FBXO27: variants seen among roughly 807,000 people sequenced by gnomAD.
The protein encoded by FBXO27 is F-box only protein 27.
A neutral mutation model predicts 28.3 loss-of-function variants in FBXO27; 28 were observed. That is an observed-to-expected ratio of 0.99 (90% CI 0.73 to 1.36). FBXO27 has a LOEUF of 1.36. Among genes scored for constraint, FBXO27 ranks in the 40% most tolerant of loss-of-function variants. The probability of loss-of-function intolerance (pLI) is 0.00; values close to 1 mark genes in which losing one functional copy is unlikely to be tolerated. For missense variants in FBXO27, 388 were observed against 394.1 expected (o/e 0.98, Z 0.13); for synonymous variants, 175 against 167.3 (o/e 1.05, Z -0.36).
At chr19:39,018,082 G>A (rs1245379916) in intron 1 of FBXO27, among the ~76,000 whole-genome samples, 1 of 152,162 alleles carries the variant, frequency 6.6e-6, no homozygotes, top group African/African-American at 2.4e-5. Flanking sequence ...CCGGGTTCAA[G>A]CAATCCTCCT....
At position 39,031,641 on chromosome 19, in the gene FBXO27, C is replaced by A. The variant is rs144915584; in HGVS notation, c.364+223G>T. 3.9e-3 allele frequency among the ~76,000 whole-genome samples: 597 copies of A among 152,074 alleles called. 6 individuals are homozygous for A. The highest frequency in any genetic ancestry group is 0.013 in the African/African-American group (555 of 41,488). The stretch of plus-strand genomic sequence containing the variant: ...TGCACCCTGCGTGCCAATGCTGCCT[C>A]GTCCCTCCGACACCTCCCACCGGCT... On this transcript the variant is annotated intron_variant, in intron 2 of 5. Transcript: ENST00000292853.
At chr19:39,018,567 T>C (rs893503239) in intron 1 of FBXO27, among the ~76,000 whole-genome samples, 2 of 152,052 alleles carry the variant, frequency 1.3e-5, no homozygotes, top group Admixed American at 6.6e-5. Context: ...TCCCAAGAAG[T>C]AGACAAGTCA....
chr19:39,019,800 G>A (rs1202096429), downstream of FBXO27, among the ~76,000 whole-genome samples: 2 of 152,094 alleles, frequency 1.3e-5, no homozygotes, highest in African/African-American at 4.8e-5. Context: ...TGCCCAGGCT[G>A]GAGTGCAGTG....
chr19:39,007,079 T>C (rs666626), intron 2 of FBXO27, among the ~76,000 whole-genome samples: 5 of 127,432 alleles, frequency 3.9e-5, no homozygotes, highest in South Asian at 4.8e-4. Flanking sequence ...AAAAAAAAAA[T>C]ACAGAAAAGT....
In FBXO27 at chr19:39,031,141, CA is replaced by C; in HGVS notation, c.477-18del. 6.2e-7 allele frequency: 1 copy of C among 1,613,620 alleles called. No homozygotes were observed. The highest frequency in any genetic ancestry group is 8.5e-7 in the Non-Finnish European group (1 of 1,179,572). ...CAACACCAGCTGGGAATGCAGGAGA[CA>C]GGGTAATGAGAACAGGCAGGCCTTT... On this transcript the variant is annotated intron_variant, in intron 3 of 5. Transcript: ENST00000292853.
intron 1 of FBXO27, among the ~76,000 whole-genome samples, chr19:39,016,421 T>C (rs1335445129): frequency 6.6e-6 from 1 of 151,778 alleles, no homozygotes; most frequent in Non-Finnish European, 1.5e-5. Flanking sequence ...CTCTGTACTT[T>C]CTGCTCAATT....
Position 39,032,149 on chromosome 19 carries a change from T to C in FBXO27, c.79A>G (p.Ser27Gly), listed in dbSNP as rs759836493. 2.6e-6 allele frequency: 4 copies of C among 1,542,082 alleles called. No homozygotes were observed. Among genetic ancestry groups the C allele is most frequent in the Non-Finnish European group, 3.5e-6 (4 of 1,150,186 alleles). ...AGAAGCAGCTCTGGGGGTAGTTGGC[T>C]CAGGTCCAGCGCCTCTTCGGGTTCC... ...EPEPEEALDLSQLPPELLLVV... is the reference protein window; with the variant it reads ...EPEPEEALDLGQLPPELLLVV... The change falls in exon 2 of 6, where the codon AGC becomes GGC. Residue 27 changes from serine to glycine, a missense_variant. Transcript: ENST00000292853. This position sits in a 1 kb window ranked among gnomAD's most constrained non-coding sequence, Gnocchi z 4.7.
chr19:39,023,612 C>CT (rs10711556), downstream of FBXO27, among the ~76,000 whole-genome samples: 124 of 146,698 alleles, frequency 8.5e-4, no homozygotes, highest in Admixed American at 4.7e-3. Context: ...GACCTATTGT[C>CT]TTTTTTTTTT....
chr19:39,014,704 T>C (rs183768087), intron 1 of FBXO27, among the ~76,000 whole-genome samples: 151 of 150,924 alleles, frequency 1.0e-3, no homozygotes, highest in African/African-American at 3.5e-3. Flanking sequence ...CCAGCTTGGG[T>C]AACAGAGTAA....
At chr19:39,028,672 G>C (rs2072886083) in intron 4 of FBXO27, among the ~76,000 whole-genome samples, 1 of 152,090 alleles carries the variant, frequency 6.6e-6, no homozygotes, top group Admixed American at 6.6e-5. Context: ...AGGCCAGCCT[G>C]GCCAACGTGG....
In FBXO27 at chr19:39,025,345, C is replaced by T; in HGVS notation, c.*66G>A. 6.4e-7 allele frequency: 1 copy of T among 1,552,752 alleles called. No homozygotes were observed. Among genetic ancestry groups the T allele is most frequent in the Non-Finnish European group, 8.7e-7 (1 of 1,145,246 alleles). On this transcript the variant is annotated 3_prime_UTR_variant, in exon 6 of 6. Coordinates refer to ENST00000292853, the MANE Select transcript of FBXO27 (RefSeq NM_178820.5). ...AGTGCTTGGTTGGTTAATGAGGGGT[C>T]CCAGCCAATGGTCCCAGGCCCTGGA... is the stretch of plus-strand genomic sequence containing the variant.
chr19:39,007,247 G>A (rs946973570), intron 2 of FBXO27, among the ~76,000 whole-genome samples: 3 of 152,096 alleles, frequency 2.0e-5, no homozygotes, highest in Admixed American at 2.0e-4. Flanking sequence ...CAGTCCAAAC[G>A]GATCTGCTCA....
chr19:39,031,366 G>C (rs140992409), intron 2 of FBXO27, 46 bp from the exon 3 acceptor site: 92 of 1,591,182 alleles, frequency 5.8e-5, no homozygotes, highest in Non-Finnish European at 7.6e-5. Context: ...TCGCCCGCCT[G>C]TTGGTTCCTA....
In FBXO27 at chr19:39,031,319, T is replaced by G; in HGVS notation, c.366A>C (p.Glu122Asp). 6.2e-7 allele frequency: 1 copy of G among 1,613,766 alleles called. No individual in the cohort carries two copies. Among genetic ancestry groups the G allele is most frequent in the Non-Finnish European group, 8.5e-7 (1 of 1,179,816 alleles). The change falls in exon 3 of 6, where the codon GAA becomes GAC. Residue 122 changes from glutamate to aspartate, a missense_variant and splice_region_variant. Transcript: ENST00000292853. ...GTTGCACCATCCACTTTCGGAGGCC[T>G]TCTGTGAAATAAAAAAGGCTTGTGC... ...RNLIRNPCGQ[E>D]GLRKWMVQHG...
At chr19:39,011,496 C>A (rs1278760929) in intron 2 of FBXO27, among the ~76,000 whole-genome samples, 1 of 152,106 alleles carries the variant, frequency 6.6e-6, no homozygotes, top group African/African-American at 2.4e-5. Flanking sequence ...GGAGTATTGT[C>A]ATCTTAAAAA....
intron 2 of FBXO27, among the ~76,000 whole-genome samples, chr19:39,009,343 G>A (rs1210713588): frequency 5.3e-5 from 8 of 152,300 alleles, no homozygotes; most frequent in East Asian, 1.9e-4. Context: ...AGAATTCTAC[G>A]TTTAGCTTTT....
chr19:39,025,599 C>T (rs745629223), intron 5 of FBXO27, 45 bp from the exon 6 acceptor site: 1 of 1,581,884 alleles, frequency 6.3e-7, no homozygotes, highest in Non-Finnish European at 8.6e-7. Flanking sequence ...CACAGCCTCC[C>T]CTCCAAAGCT....
Position 39,026,919 on chromosome 19 carries a change from G to A in FBXO27, c.659C>T (p.Ser220Phe), listed in dbSNP as rs2072875819. 6.2e-7 allele frequency: 1 copy of A among 1,614,118 alleles called. No homozygotes were observed. The highest frequency in any genetic ancestry group is 8.5e-7 in the Non-Finnish European group (1 of 1,180,048). Residue 220 changes from serine to phenylalanine, a missense_variant, in exon 5 of 6, where the codon TCT becomes TTT. Coordinates refer to ENST00000292853, the MANE Select transcript of FBXO27 (RefSeq NM_178820.5). Reference protein sequence around the residue: ...DANQTVLDKFSAVPDPIPQWN... With the variant: ...DANQTVLDKFFAVPDPIPQWN... ...CTGCGGGATGGGATCAGGCACAGCAGAGAATTTATCTAGAACAGTCTGGTT... is the reference window on the plus strand; with the variant it reads ...CTGCGGGATGGGATCAGGCACAGCAAAGAATTTATCTAGAACAGTCTGGTT...
chr19:39,025,201 A>C lies in FBXO27; in HGVS notation c.*210T>G. 1.1e-5 allele frequency: 6 copies of C among 558,522 alleles called. No homozygotes were observed. Among genetic ancestry groups the C allele is most frequent in the African/African-American group, 1.9e-5 (1 of 53,272 alleles). 34.6% of individuals were successfully genotyped at this position (558,522 alleles called of 1,614,324 possible). A position where few individuals can be genotyped will look rare whatever the true frequency, so the allele number is the denominator to read the frequency against. On this transcript the variant is annotated 3_prime_UTR_variant, in exon 6 of 6. Coordinates refer to ENST00000292853, the MANE Select transcript of FBXO27 (RefSeq NM_178820.5). ...CAGTAGGGCCCCCCCGCAAAGCAGC[A>C]GCTGCAGTAGGTAGATAAGATGGAA...
Sources: allele counts gnomAD v4.1 joint callset (sites outside exome capture counted in the v4.1 genomes callset), GRCh38; gene constraint gnomAD v4.1.1; non-coding constraint Gnocchi (gnomAD v3.1); transcripts MANE v1.5; gene names NCBI Gene and HGNC (gene_info 2026-07-23, HGNC 2026-07-21).